PCDHA7: variants seen among roughly 807,000 people sequenced by gnomAD.
PCDHA7 encodes protocadherin alpha-7.
In PCDHA7, 37 loss-of-function variants were observed where a neutral mutation model predicts 57.2. The observed-to-expected ratio is 0.65, with a 90% CI of 0.50 to 0.85. PCDHA7 has a LOEUF of 0.85. Ranked by LOEUF, PCDHA7 falls within the 40% of genes least tolerant of loss-of-function variation. The pLI is 0.00. For synonymous variants in PCDHA7, 553 were observed against 558.8 expected (o/e 0.99, Z 0.15); for missense variants, 1,188 against 1,241.8 (o/e 0.96, Z 0.65).
rs782357436 is a variant in PCDHA7, at chr5:140,876,751, G to T, written c.2355+40013G>T. On this transcript the variant is annotated intron_variant, in intron 1 of 3. Transcript: ENST00000525929. ...GTCGGCCTATGAGCTGGTGGTGACTGCGCGGGATGGGGGCTCGCCTTCGCT... is the reference window on the plus strand; with the variant it reads ...GTCGGCCTATGAGCTGGTGGTGACTTCGCGGGATGGGGGCTCGCCTTCGCT... 2.5e-6 allele frequency: 4 copies of T among 1,614,258 alleles called. No individual in the cohort carries two copies. The Admixed American group carries it at 6.7e-5, about 27-fold the overall frequency.
intron 1 of PCDHA7, chr5:140,928,283 T>C (rs782493603): frequency 4.3e-6 from 7 of 1,614,178 alleles, no homozygotes; most frequent in Non-Finnish European, 5.1e-6. Flanking sequence ...GGGGCCTCTC[T>C]AGGCCGAGTG....
Position 140,850,162 on chromosome 5 carries a change from T to A in PCDHA7, c.2355+13424T>A. On this transcript the variant is annotated intron_variant, in intron 1 of 3. Transcript: ENST00000525929. ...AACGTGACGCTGCAGGTGTTCGTGCTGGACGAGAACGACAATGCGCCGGCG... is the reference window on the plus strand; with the variant it reads ...AACGTGACGCTGCAGGTGTTCGTGCAGGACGAGAACGACAATGCGCCGGCG... 8.8e-6 allele frequency: 14 copies of A among 1,595,026 alleles called. 2 individuals carry two copies. The highest frequency in any genetic ancestry group is 1.2e-5 in the Non-Finnish European group (14 of 1,167,802).
At chr5:140,879,396 T>C (rs2057974571) in intron 1 of PCDHA7, among the ~76,000 whole-genome samples, 1 of 152,174 alleles carries the variant, frequency 6.6e-6, no homozygotes, top group Non-Finnish European at 1.5e-5. Context: ...AAACAGTTTG[T>C]GTGTATTTGA....
At chr5:141,001,030 G>A (rs1356604139) in intron 3 of PCDHA7, among the ~76,000 whole-genome samples, 1 of 151,894 alleles carries the variant, frequency 6.6e-6, no homozygotes, top group Non-Finnish European at 1.5e-5. Context: ...TATAATAATA[G>A]CTTTAATTAA....
chr5:140,915,513 A>T (rs2077156707), intron 1 of PCDHA7, among the ~76,000 whole-genome samples: 2 of 152,124 alleles, frequency 1.3e-5, no homozygotes, highest in African/African-American at 2.4e-5. Context: ...GTTTTTGCAG[A>T]CTAGTAGAGG....
chr5:140,955,975 A>G (rs2095244010), intron 1 of PCDHA7, among the ~76,000 whole-genome samples: 1 of 152,112 alleles, frequency 6.6e-6, no homozygotes, highest in Admixed American at 6.6e-5. Flanking sequence ...TAGGAATGCT[A>G]GCAATTTTTG....
At chr5:140,967,957 C>A in intron 1 of PCDHA7, 1 of 1,614,222 alleles carries the variant, frequency 6.2e-7, no homozygotes, top group Admixed American at 1.7e-5. Context: ...CAGGCCCCAA[C>A]CGGAAAGTGA....
intron 3 of PCDHA7, among the ~76,000 whole-genome samples, chr5:140,996,269 T>C (rs1183604392): frequency 6.6e-6 from 1 of 152,194 alleles, no homozygotes; most frequent in East Asian, 1.9e-4. Context: ...GAGCCTGGGA[T>C]TGCTGCCAAA....
intron 1 of PCDHA7, among the ~76,000 whole-genome samples, chr5:140,924,896 AAAAAAAAAATAAAATAAAAT>A (rs1488372568): frequency 0.024 from 1,693 of 69,132 alleles, 31 homozygotes; most frequent in African/African-American, 0.08. Context: ...ACCTGTCTCA[AAAAAAAAAATAAAATAAAAT>A]AAAATAAAAT....
intron 1 of PCDHA7, chr5:140,863,570 G>A (rs912173891): frequency 1.9e-5 from 7 of 370,768 alleles, no homozygotes; most frequent in South Asian, 4.2e-5. Flanking sequence ...GAGAATATAA[G>A]TACTGTAATC....
intron 1 of PCDHA7, among the ~76,000 whole-genome samples, chr5:140,898,007 A>G (rs1477147548): frequency 2.3e-4 from 35 of 152,100 alleles, no homozygotes; most frequent in African/African-American, 8.5e-4. Context: ...GTGTCTGTTC[A>G]TATCCTTTGC....
intron 1 of PCDHA7, among the ~76,000 whole-genome samples, chr5:140,895,468 CCT>C (rs2065019844): frequency 6.6e-6 from 1 of 152,130 alleles, no homozygotes; most frequent in Non-Finnish European, 1.5e-5. Flanking sequence ...ATTTCTTTAT[CCT>C]CTTCGGAGAA....
chr5:140,871,658 C>A, intron 1 of PCDHA7: 1 of 1,224,214 alleles, frequency 8.2e-7, no homozygotes, highest in Non-Finnish European at 1.1e-6. Flanking sequence ...TGATACACAT[C>A]TTCAGTCTTT....
intron 1 of PCDHA7, chr5:140,871,292 C>G: frequency 1.2e-6 from 2 of 1,613,890 alleles, no homozygotes; most frequent in Non-Finnish European, 8.5e-7. Context: ...ACTGAGGGCG[C>G]GTGCGCGCCG....
At chr5:140,946,875 G>C (rs1283632599) in intron 1 of PCDHA7, among the ~76,000 whole-genome samples, 2 of 151,288 alleles carry the variant, frequency 1.3e-5, no homozygotes, top group Non-Finnish European at 3.0e-5. Context: ...TGGTCAATGG[G>C]TACGAAGTTA....
At chr5:140,873,590 A>C (rs1188968124) in intron 1 of PCDHA7, among the ~76,000 whole-genome samples, 2 of 152,202 alleles carry the variant, frequency 1.3e-5, no homozygotes, top group Non-Finnish European at 2.9e-5. Flanking sequence ...ATTAAGCTAA[A>C]CTTAGATGTT....
In PCDHA7 at chr5:140,857,269, G is replaced by T. The variant is rs375802816; in HGVS notation, c.2355+20531G>T. 8.1e-6 allele frequency: 13 copies of T among 1,598,726 alleles called. 1 individual carries two copies. The highest frequency in any genetic ancestry group is 1.1e-5 in the South Asian group (1 of 90,558). On this transcript the variant is annotated intron_variant, in intron 1 of 3. Coordinates refer to ENST00000525929, the MANE Select transcript of PCDHA7 (RefSeq NM_018910.3). ...CCTACAAGAATTACTACTCATTGGT[G>T]CTGGACAGCGCTCTGGACCGCGAGA... is the stretch of plus-strand genomic sequence containing the variant.
chr5:140,851,036 T>C lies in PCDHA7; in HGVS notation c.2355+14298T>C. 2 of 1,401,900 alleles carry C rather than the reference T, an allele frequency of 1.4e-6. 1 individual carries two copies. The highest frequency in any genetic ancestry group is 3.7e-5 in the South Asian group (2 of 53,334). 86.8% of individuals were successfully genotyped at this position (1,401,900 alleles called of 1,614,324 possible). The stretch of plus-strand genomic sequence containing the variant: ...TTCTGATAAAGTAAACCCCTTAACA[T>C]TGGAGCCGACTTTGTCTTGACTTCT... On this transcript the variant is annotated intron_variant, in intron 1 of 3. Transcript: ENST00000525929.
chr5:140,915,389 G>T (rs1382922139), intron 1 of PCDHA7, among the ~76,000 whole-genome samples: 5 of 152,078 alleles, frequency 3.3e-5, no homozygotes, highest in African/African-American at 4.8e-5. Context: ...TGAAGAGCTA[G>T]GTATTTCTTA....
Sources: allele counts gnomAD v4.1 joint callset (sites outside exome capture counted in the v4.1 genomes callset), GRCh38; gene constraint gnomAD v4.1.1; transcripts MANE v1.5; gene names NCBI Gene and HGNC (gene_info 2026-07-23, HGNC 2026-07-21).